Variants in CAPN11 observed in about 807,000 individuals in gnomAD.
The protein encoded by CAPN11 is calpain-11.
In CAPN11, 108 loss-of-function variants were observed where a neutral mutation model predicts 105.3. The observed-to-expected ratio is 1.03, with a 90% CI of 0.88 to 1.20. The LOEUF (loss-of-function observed/expected upper bound fraction) is 1.20. Among genes scored for constraint, CAPN11 ranks in the 50% most tolerant of loss-of-function variants. The pLI, the probability that CAPN11 is intolerant of heterozygous loss-of-function variation, is 0.00. For missense variants in CAPN11, 883 were observed against 924.8 expected (o/e 0.95, Z 0.59); for synonymous variants, 329 against 344.5 (o/e 0.96, Z 0.50).
At chr6:44,172,609 T>C (rs1322202819) in intron 5 of CAPN11, among the ~76,000 whole-genome samples, 189 bp downstream of exon 5, 3 of 152,078 alleles carry the variant, frequency 2.0e-5, no homozygotes, top group African/African-American at 7.2e-5. Flanking sequence ...CAAAAGAAAA[T>C]AGTTGTTAGC....
chr6:44,168,812 G>C (rs1327929468), intron 2 of CAPN11: 2 of 329,090 alleles, frequency 6.1e-6, no homozygotes, highest in Non-Finnish European at 1.2e-5. Context: ...GTAGGGACAG[G>C]GTTTCGCCAT....
At chr6:44,176,467 A>G (rs1261511761) in intron 9 of CAPN11, 114 bp from the exon 10 acceptor site, 1 of 1,302,576 alleles carries the variant, frequency 7.7e-7, no homozygotes, top group African/African-American at 1.5e-5. Flanking sequence ...TAGATTCTCC[A>G]TCTAGCTCCG....
intron 4 of CAPN11, 93 bp from the exon 5 acceptor site, chr6:44,172,209 G>T (rs1052616788): frequency 6.6e-6 from 5 of 756,744 alleles, no homozygotes; most frequent in African/African-American, 1.8e-5. Flanking sequence ...GGGGTACAGG[G>T]TCAAGTTCCT....
chr6:44,173,141 G>A, intron 6 of CAPN11, 68 bp downstream of exon 6: 32 of 1,603,864 alleles, frequency 2.0e-5, no homozygotes, highest in Non-Finnish European at 2.7e-5. Context: ...TCAGGGGGAG[G>A]GGAGGGGGTA....
rs1340992584 is a variant in CAPN11 at position 44,184,344 on chromosome 6, CCT to C, written c.*415_*416del. 6 of 223,438 alleles carry C rather than the reference CCT, an allele frequency of 2.7e-5. No individual in the cohort carries two copies. The highest frequency in any genetic ancestry group is 9.8e-5 in the East Asian group (1 of 10,210). 13.8% of individuals were successfully genotyped at this position (223,438 alleles called of 1,614,324 possible). ...CTGCTGACCACCCATCCTGGCACAG[CCT>C]CTGTTTTCCTCCCCATCTGTGGATA... is the stretch of plus-strand genomic sequence containing the variant. On this transcript the variant is annotated 3_prime_UTR_variant, in exon 23 of 23. Coordinates refer to ENST00000398776, the MANE Select transcript of CAPN11 (RefSeq NM_007058.4).
At chr6:44,168,257 A>G (rs1021761845) in intron 2 of CAPN11, among the ~76,000 whole-genome samples, 1 of 152,040 alleles carries the variant, frequency 6.6e-6, no homozygotes, top group Admixed American at 6.6e-5. Flanking sequence ...GAATCGCGCA[A>G]TATGGGGTTC....
intron 12 of CAPN11, among the ~76,000 whole-genome samples, chr6:44,179,279 C>G (rs1772721924): frequency 6.6e-6 from 1 of 151,446 alleles, no homozygotes; most frequent in Non-Finnish European, 1.5e-5. Flanking sequence ...ATAAACTGTA[C>G]TTTCCTATCC....
In CAPN11 at chr6:44,166,795, A is replaced by C. The variant is rs1192556082; in HGVS notation, c.54A>C (p.Gly18=). Residue 18 remains glycine (G), a synonymous_variant, in exon 2 of 23, where the codon GGA becomes GGC. Coordinates refer to ENST00000398776, the MANE Select transcript of CAPN11 (RefSeq NM_007058.4). ...SLPESAESLD[G]SQEDKPRGSC... ...CGGAGTCAGCAGAGAGCCTGGATGGATCACAGGAGGATAAGCCTCGGGGCT... is the reference window on the plus strand; with the variant it reads ...CGGAGTCAGCAGAGAGCCTGGATGGCTCACAGGAGGATAAGCCTCGGGGCT... 1.3e-6 allele frequency: 2 copies of C among 1,552,116 alleles called. No individual in the cohort carries two copies. The highest frequency in any genetic ancestry group is 1.7e-6 in the Non-Finnish European group (2 of 1,147,012).
rs113218355 is a variant in CAPN11 at position 44,180,389 on chromosome 6, C to G, written c.1641-71C>G. 27 of 1,446,050 alleles carry G rather than the reference C, an allele frequency of 1.9e-5. No individual in the cohort carries two copies. In the African/African-American group the frequency reaches 2.4e-4, roughly 13 times the overall value. 89.6% of individuals were successfully genotyped at this position (1,446,050 alleles called of 1,614,324 possible). A position where few individuals can be genotyped will look rare whatever the true frequency, so the allele number is the denominator to read the frequency against. On this transcript the variant is annotated intron_variant, in intron 14 of 22. Transcript: ENST00000398776. ...TTGCTTCAAAGACATGACATGACCC[C>G]CAGAGCACCCCACTAAAACCCCCAC...
chr6:44,176,150 ATG>A lies in CAPN11; in HGVS notation c.915+2_915+3del. ...GCTTACTCTGTGACTGGCCTTCAGG[ATG>A]TGAGTCCTGAGAAATGCGCCCTACC... On this transcript the variant is annotated splice_donor_variant and coding_sequence_variant, in exon 8 of 23. Coordinates refer to ENST00000398776, the MANE Select transcript of CAPN11 (RefSeq NM_007058.4). LOFTEE classifies it high-confidence loss of function. 4 of 1,606,854 alleles carry A rather than the reference ATG, an allele frequency of 2.5e-6. No individual in the cohort carries two copies. Among genetic ancestry groups the A allele is most frequent in the Non-Finnish European group, 3.4e-6 (4 of 1,174,606 alleles).
At chr6:44,183,062 T>C in intron 20 of CAPN11, 43 bp downstream of exon 20, 1 of 1,595,580 alleles carries the variant, frequency 6.3e-7, no homozygotes, top group Non-Finnish European at 8.6e-7. Context: ...GGGAAGAGGA[T>C]GGCAGTGTCC....
intron 4 of CAPN11, 61 bp downstream of exon 4, chr6:44,170,036 G>T: frequency 7.4e-7 from 1 of 1,360,052 alleles, no homozygotes; most frequent in Non-Finnish European, 1.0e-6. Flanking sequence ...AGGGGTGCCA[G>T]GGTGTCTTTT....
intron 1 of CAPN11, among the ~76,000 whole-genome samples, chr6:44,161,177 G>GTTT (rs72414684): frequency 2.8e-5 from 4 of 143,588 alleles, no homozygotes; most frequent in South Asian, 2.2e-4. Flanking sequence ...TTTCTTTTGG[G>GTTT]TTTTTTTTTT....
intron 1 of CAPN11, among the ~76,000 whole-genome samples, chr6:44,165,180 T>C (rs1769588573): frequency 6.6e-6 from 1 of 152,180 alleles, no homozygotes. Context: ...TGAGCCACCA[T>C]GCTGCCCCAG....
At chr6:44,179,902 C>A in intron 13 of CAPN11, 50 bp from the exon 14 acceptor site, 1 of 1,447,404 alleles carries the variant, frequency 6.9e-7, no homozygotes. Context: ...GGGACCCTCC[C>A]TCCCTAACCT....
At position 44,178,749 on chromosome 6, in the gene CAPN11, T is replaced by TAAAAAAAAA. The variant is rs1561850887; in HGVS notation, c.1417-870_1417-869insAAAAAAAAA. On this transcript the variant is annotated intron_variant, in intron 12 of 22. Transcript: ENST00000398776. ...GCAACACAGCAAGACCCTGTCTCGA[T>TAAAAAAAAA]TAAAAAAAAAAAAAAAAAAAAAAAT... Among the ~76,000 whole-genome samples the TAAAAAAAAA allele has an allele frequency of 8.8e-3, 615 of 70,234 alleles. 22 individuals are homozygous for TAAAAAAAAA. The highest frequency in any genetic ancestry group is 0.016 in the Middle Eastern group (2 of 122). 46.1% of individuals were successfully genotyped at this position (70,234 alleles called of 152,430 possible). A position where few individuals can be genotyped will look rare whatever the true frequency, so the allele number is the denominator to read the frequency against.
chr6:44,162,093 G>T (rs373372348), intron 1 of CAPN11, among the ~76,000 whole-genome samples: 5 of 151,854 alleles, frequency 3.3e-5, no homozygotes, highest in Non-Finnish European at 1.5e-5. Flanking sequence ...GCCTCTAGAC[G>T]TTGCCACCTG....
rs1773245907 is a variant in CAPN11, at chr6:44,181,472, CATACAGACACA to C, written c.1938+154_1938+164del. Among the ~76,000 whole-genome samples the C allele has an allele frequency of 4.6e-5, 3 of 65,878 alleles. 1 individual carries two copies. Among genetic ancestry groups the C allele is most frequent in the Admixed American group, 3.2e-4 (2 of 6,308 alleles). 43.2% of individuals were successfully genotyped at this position (65,878 alleles called of 152,430 possible). A position where few individuals can be genotyped will look rare whatever the true frequency, so the allele number is the denominator to read the frequency against. On this transcript the variant is annotated intron_variant, in intron 19 of 22. Coordinates refer to ENST00000398776, the MANE Select transcript of CAPN11 (RefSeq NM_007058.4). The stretch of plus-strand genomic sequence containing the variant: ...ACTCACACACACACACACACACTCA[CATACAGACACA>C]ACCACACCACACACACACACACACA...
chr6:44,179,769 T>C, intron 13 of CAPN11, 139 bp downstream of exon 13: 1 of 1,011,726 alleles, frequency 9.9e-7, no homozygotes, highest in Non-Finnish European at 1.6e-6. Flanking sequence ...TCTTCAGGGC[T>C]GGTAGGGGTC....
Sources: allele counts gnomAD v4.1 joint callset (sites outside exome capture counted in the v4.1 genomes callset), GRCh38; gene constraint gnomAD v4.1.1; transcripts MANE v1.5; gene names NCBI Gene and HGNC (gene_info 2026-07-23, HGNC 2026-07-21).